Variants in SKA1 observed in about 807,000 individuals in gnomAD.
SKA1 encodes spindle and kinetochore associated complex subunit 1.
A neutral mutation model predicts 31.8 loss-of-function variants in SKA1; 20 were observed. The observed-to-expected ratio is 0.63, with a 90% CI of 0.44 to 0.91. SKA1 has a LOEUF of 0.91. SKA1 is among the 40% of genes least tolerant of loss of function. The pLI is 0.00. For synonymous variants in SKA1, 88 were observed against 100.5 expected, an observed-to-expected ratio of 0.88 and a Z score of 0.74; for missense variants, 253 against 298.2, an observed-to-expected ratio of 0.85 and a Z score of 1.12.
At chr18:50,386,515 C>A (rs2041309132) in intron 5 of SKA1, among the ~76,000 whole-genome samples, 1 of 152,180 alleles carries the variant, frequency 6.6e-6, no homozygotes, top group African/African-American at 2.4e-5. Context: ...AGTAATAGAG[C>A]ATTGGTATGA....
intron 6 of SKA1, 82 bp from the exon 7 acceptor site, chr18:50,392,017 A>T (rs1397130241): frequency 7.6e-6 from 8 of 1,050,154 alleles, no homozygotes; most frequent in Non-Finnish European, 1.1e-5. Context: ...GACTAATACC[A>T]TTCATATTCA....
At position 50,378,985 on chromosome 18, in the gene SKA1, C is replaced by T. The variant is rs550193684; in HGVS notation, c.89-1141C>T. On this transcript the variant is annotated intron_variant, in intron 2 of 6. Coordinates refer to ENST00000285116, the MANE Select transcript of SKA1 (RefSeq NM_145060.4). ...CCATCTTATATGTACTTTCACCTATCTTCACAGTAATGAGGTAGGTACTTG... is the reference window on the plus strand; with the variant it reads ...CCATCTTATATGTACTTTCACCTATTTTCACAGTAATGAGGTAGGTACTTG... 5.9e-5 allele frequency among the ~76,000 whole-genome samples: 9 copies of T among 152,286 alleles called. No homozygotes were observed. The South Asian group carries it at 1.9e-3, about 32-fold the overall frequency.
chr18:50,386,292 T>A (rs1322570088), intron 5 of SKA1, among the ~76,000 whole-genome samples: 1 of 152,192 alleles, frequency 6.6e-6, no homozygotes, highest in Non-Finnish European at 1.5e-5. Flanking sequence ...TGTTTTGCAA[T>A]TTTTTTATTT....
rs959473494 is a variant in SKA1, at chr18:50,392,324, T to C, written c.*77T>C. The C allele has an allele frequency of 3.1e-6, 3 of 961,062 alleles. No individual in the cohort carries two copies. In the African/African-American group the frequency reaches 5.1e-5, roughly 16 times the overall value. The allele number at this position is 961,062 out of a possible 1,614,324, so 59.5% of individuals were successfully genotyped here. A position where few individuals can be genotyped will look rare whatever the true frequency, so the allele number is the denominator to read the frequency against. The stretch of plus-strand genomic sequence containing the variant: ...TTTCTATAATTTTCTTATATATAAT[T>C]TTTTTAACTTTTAATCTTTTTTGTT... On this transcript the variant is annotated 3_prime_UTR_variant, in exon 7 of 7. Transcript: ENST00000285116.
intron 3 of SKA1, among the ~76,000 whole-genome samples, chr18:50,381,566 T>C (rs2041262411): frequency 6.6e-6 from 1 of 152,174 alleles, no homozygotes; most frequent in Non-Finnish European, 1.5e-5. Context: ...AGTCCTGCTT[T>C]GTAATTGCAA....
At chr18:50,380,283 A>G (rs1043764335) in intron 3 of SKA1, 33 bp downstream of exon 3, 2 of 1,524,920 alleles carry the variant, frequency 1.3e-6, no homozygotes, top group Non-Finnish European at 8.7e-7. Flanking sequence ...GCAGTAAAAA[A>G]GACAATACAT....
In SKA1 at chr18:50,385,444, C is replaced by CTATGTTCAAA; in HGVS notation, c.449+95_449+104dup. The CTATGTTCAAA allele has an allele frequency of 2.7e-6, 3 of 1,108,824 alleles. No individual in the cohort carries two copies. The South Asian group carries it at 5.6e-5, about 21-fold the overall frequency. 68.7% of individuals were successfully genotyped at this position (1,108,824 alleles called of 1,614,324 possible). On this transcript the variant is annotated intron_variant, in intron 5 of 6. Coordinates refer to ENST00000285116, the MANE Select transcript of SKA1 (RefSeq NM_145060.4). The stretch of plus-strand genomic sequence containing the variant: ...GCTTAATTATATTAATTGTAATATG[C>CTATGTTCAAA]TATGTTCAAATATTGATCTTTTAAA...
At chr18:50,377,859 G>T (rs758347668) in intron 2 of SKA1, among the ~76,000 whole-genome samples, 1 of 152,126 alleles carries the variant, frequency 6.6e-6, no homozygotes, top group Non-Finnish European at 1.5e-5. Context: ...TAATAAAGGA[G>T]CCTCATACAT....
At chr18:50,391,051 T>G in intron 5 of SKA1, 73 bp from the exon 6 acceptor site, 1 of 1,106,980 alleles carries the variant, frequency 9.0e-7, no homozygotes, top group Non-Finnish European at 1.3e-6. Context: ...GTCATCATAC[T>G]TATGTTTTTC....
intron 5 of SKA1, among the ~76,000 whole-genome samples, chr18:50,387,883 C>G (rs148918660): frequency 1.5e-4 from 23 of 152,312 alleles, no homozygotes; most frequent in African/African-American, 4.8e-4. Flanking sequence ...TTGTGATGCT[C>G]TCAGCCTGTA....
Position 50,393,738 on chromosome 18 carries a change from C to A in SKA1, c.*1491C>A, listed in dbSNP as rs186308478. The A allele has an allele frequency of 9.2e-5, 14 of 152,168 alleles. No homozygotes were observed. Among genetic ancestry groups the A allele is most frequent in the Admixed American group, 2.6e-4 (4 of 15,286 alleles). 9.4% of individuals were successfully genotyped at this position (152,168 alleles called of 1,614,324 possible). On this transcript the variant is annotated 3_prime_UTR_variant, in exon 7 of 7. Coordinates refer to ENST00000285116, the MANE Select transcript of SKA1 (RefSeq NM_145060.4). Reference sequence around the variant, plus strand: ...TTGTTCTAGTATTTGGTCTTTGACCCCAGTTCCTGACACAAAGCTCCTAAA... The same window carrying A: ...TTGTTCTAGTATTTGGTCTTTGACCACAGTTCCTGACACAAAGCTCCTAAA...
At chr18:50,384,577 T>C (rs540655646) in intron 4 of SKA1, among the ~76,000 whole-genome samples, 3 of 152,026 alleles carry the variant, frequency 2.0e-5, no homozygotes, top group Admixed American at 1.3e-4. Flanking sequence ...TTAGAATAAA[T>C]AGAAGTCTAA....
chr18:50,387,002 C>T (rs144057994), intron 5 of SKA1, among the ~76,000 whole-genome samples: 186 of 152,256 alleles, frequency 1.2e-3, no homozygotes, highest in African/African-American at 4.0e-3. Context: ...GTGCAGGTTT[C>T]GTGTAGACAT....
rs547987571 is a variant in SKA1 at position 50,388,827 on chromosome 18, TGGG to T, written c.450-2293_450-2291del. 1.3e-4 allele frequency among the ~76,000 whole-genome samples: 19 copies of T among 151,656 alleles called. No homozygotes were observed. The East Asian group carries it at 3.7e-3, about 30-fold the overall frequency. On this transcript the variant is annotated intron_variant, in intron 5 of 6. Coordinates refer to ENST00000285116, the MANE Select transcript of SKA1 (RefSeq NM_145060.4). ...TTCTCTGATCTTCATTTTAAAAACTTGGGGGGAAGGCAGGGGTGGTTCCTGGAA... is the reference window on the plus strand; with the variant it reads ...TTCTCTGATCTTCATTTTAAAAACTTGGGAAGGCAGGGGTGGTTCCTGGAA...
intron 5 of SKA1, among the ~76,000 whole-genome samples, chr18:50,389,375 CTTTTTTTTTTTTTTTT>C (rs756288352): frequency 1.7e-4 from 15 of 86,140 alleles, no homozygotes; most frequent in African/African-American, 7.5e-4. Flanking sequence ...CTTTACCTTT[CTTTTTTTTTTTTTTTT>C]TTTTTTTTTA....
At position 50,392,031 on chromosome 18, in the gene SKA1, C is replaced by T. The variant is rs554335889; in HGVS notation, c.620-68C>T. 6.5e-6 allele frequency: 8 copies of T among 1,239,112 alleles called. No homozygotes were observed. The African/African-American group carries it at 9.2e-5, about 14-fold the overall frequency. 76.8% of individuals were successfully genotyped at this position (1,239,112 alleles called of 1,614,324 possible). On this transcript the variant is annotated intron_variant, in intron 6 of 6. Coordinates refer to ENST00000285116, the MANE Select transcript of SKA1 (RefSeq NM_145060.4). The stretch of plus-strand genomic sequence containing the variant: ...CGACTAATACCATTCATATTCACAA[C>T]TTAATGTATTAAAGACTCTTTTGCA...
In SKA1 at chr18:50,384,871, TAAA is replaced by T. The variant is rs10608403; in HGVS notation, c.312-328_312-326del. ...TAGAGTATAATAAAAAAAAAAAAAT[TAAA>T]AAAAAAAAAAAAAAAAGGAAAAAAA... On this transcript the variant is annotated intron_variant, in intron 4 of 6. Coordinates refer to ENST00000285116, the MANE Select transcript of SKA1 (RefSeq NM_145060.4). Among the ~76,000 whole-genome samples the T allele has an allele frequency of 1.5e-3, 122 of 82,608 alleles. 3 individuals carry two copies. Among genetic ancestry groups the T allele is most frequent in the African/African-American group, 3.9e-3 (70 of 18,098 alleles). The allele number at this position is 82,608 out of a possible 152,430, so 54.2% of individuals were successfully genotyped here.
chr18:50,390,117 T>C (rs2041344849), intron 5 of SKA1, among the ~76,000 whole-genome samples: 1 of 152,102 alleles, frequency 6.6e-6, no homozygotes, highest in African/African-American at 2.4e-5. Context: ...CATAAGTGCA[T>C]TGTGGAGAGC....
chr18:50,376,283 G>C (rs780552653), intron 2 of SKA1, among the ~76,000 whole-genome samples: 8 of 152,074 alleles, frequency 5.3e-5, no homozygotes, highest in Non-Finnish European at 1.0e-4. Context: ...TGATTTTGTC[G>C]TTGTGCAAAC....
Sources: allele counts gnomAD v4.1 joint callset (sites outside exome capture counted in the v4.1 genomes callset), GRCh38; gene constraint gnomAD v4.1.1; transcripts MANE v1.5; gene names NCBI Gene and HGNC (gene_info 2026-07-23, HGNC 2026-07-21).